Variants in SPTLC2 observed in about 807,000 individuals in gnomAD.
The protein encoded by SPTLC2 is serine palmitoyltransferase 2.
SPTLC2 carries 21 observed loss-of-function variants against 62.0 expected under a neutral mutation model. The ratio of observed to expected loss-of-function variants is 0.34; its 90% CI spans 0.24 to 0.49. The LOEUF (loss-of-function observed/expected upper bound fraction) is 0.49. Ranked by LOEUF, SPTLC2 falls within the 20% of genes least tolerant of loss-of-function variation. SPTLC2 has a pLI of 0.99. For synonymous variants in SPTLC2, 261 were observed against 261.8 expected, an observed-to-expected ratio of 1.00 and a Z score of 0.03; for missense variants, 511 against 713.0, an observed-to-expected ratio of 0.72 and a Z score of 3.23.
At chr14:77,535,118 G>T (rs1024282319) in intron 9 of SPTLC2, among the ~76,000 whole-genome samples, 2 of 152,044 alleles carry the variant, frequency 1.3e-5, no homozygotes, top group Non-Finnish European at 2.9e-5. Flanking sequence ...GTAGAGACAG[G>T]GTTTCTCCAT....
chr14:77,593,356 T>C (rs546307966), intron 2 of SPTLC2, among the ~76,000 whole-genome samples: 1 of 152,336 alleles, frequency 6.6e-6, no homozygotes, highest in Admixed American at 6.5e-5. Context: ...TTGTGTCAGC[T>C]GGTCTCAAAC....
chr14:77,588,996 C>CAAAAAAAAAAAAAAAAAAAAAAAAAAAAA (rs60536883), intron 2 of SPTLC2, among the ~76,000 whole-genome samples: 1 of 74,628 alleles, frequency 1.3e-5, no homozygotes, highest in Non-Finnish European at 2.4e-5. Flanking sequence ...GACCTTGTCT[C>CAAAAAAAAAAAAAAAAAAAAAAAAAAAAA]AAAAAAAAAA....
chr14:77,560,922 T>C (rs981678512), intron 6 of SPTLC2, among the ~76,000 whole-genome samples: 5 of 151,422 alleles, frequency 3.3e-5, no homozygotes, highest in Admixed American at 2.0e-4. Context: ...TCAGGTACTA[T>C]GCTGATTACC....
chr14:77,604,359 T>C (rs2079893635), intron 1 of SPTLC2, among the ~76,000 whole-genome samples: 1 of 152,196 alleles, frequency 6.6e-6, no homozygotes, highest in African/African-American at 2.4e-5. Flanking sequence ...TTGTTCAATT[T>C]CATCCCCCAT....
chr14:77,593,457 T>C (rs2079829680), intron 2 of SPTLC2, among the ~76,000 whole-genome samples: 1 of 152,198 alleles, frequency 6.6e-6, no homozygotes, highest in Non-Finnish European at 1.5e-5. Flanking sequence ...GTTTCTGAAC[T>C]ACTAGCTTCA....
At position 77,587,852 on chromosome 14, in the gene SPTLC2, CATAAT is replaced by C. The variant is rs576433078; in HGVS notation, c.328-8748_328-8744del. On this transcript the variant is annotated intron_variant, in intron 2 of 11. Transcript: ENST00000216484. ...AGATTTCAAGACATTTCATTATAAA[CATAAT>C]ATTGCATATCAAAGACAAGATAGTA... Among the ~76,000 whole-genome samples, 11 of 151,000 alleles carry C rather than the reference CATAAT, an allele frequency of 7.3e-5. No individual in the cohort carries two copies. The South Asian group carries it at 2.3e-3, about 32-fold the overall frequency.
chr14:77,542,400 T>C (rs2140009924), intron 9 of SPTLC2, among the ~76,000 whole-genome samples: 1 of 152,174 alleles, frequency 6.6e-6, no homozygotes, highest in Admixed American at 6.5e-5. Context: ...AAAAGGAAAA[T>C]AAATGGACCT....
intron 2 of SPTLC2, among the ~76,000 whole-genome samples, chr14:77,583,240 A>T (rs974355046): frequency 6.8e-6 from 1 of 146,594 alleles, no homozygotes; most frequent in Non-Finnish European, 1.5e-5. Flanking sequence ...TAAATAAATA[A>T]AAATAATAAT....
chr14:77,526,779 C>T (rs1285892241), intron 9 of SPTLC2, among the ~76,000 whole-genome samples: 1 of 150,080 alleles, frequency 6.7e-6, no homozygotes, highest in East Asian at 2.0e-4. Context: ...GCTGTAACAG[C>T]ATCATTAGAT....
At position 77,578,944 on chromosome 14, in the gene SPTLC2, C is replaced by A; in HGVS notation, c.482+11G>T. On this transcript the variant is annotated intron_variant, in intron 3 of 11. Transcript: ENST00000216484. ...TAATTGTTGTCAAATAATTTCCCAA[C>A]CAAGACTCACTTGAAGGACCAGTTA... The A allele has an allele frequency of 6.2e-7, 1 of 1,613,932 alleles. No individual in the cohort carries two copies. Among genetic ancestry groups the A allele is most frequent in the Non-Finnish European group, 8.5e-7 (1 of 1,179,936 alleles).
chr14:77,573,148 C>T (rs1488525493), intron 4 of SPTLC2, among the ~76,000 whole-genome samples: 1 of 151,788 alleles, frequency 6.6e-6, no homozygotes, highest in African/African-American at 2.4e-5. Flanking sequence ...ATGGAGGTAG[C>T]GAGTAAAACA....
chr14:77,553,537 C>T (rs28608714), intron 8 of SPTLC2, among the ~76,000 whole-genome samples: 25,515 of 151,760 alleles, frequency 0.17, 2,419 homozygotes, highest in African/African-American at 0.26. Context: ...CGAGACCATC[C>T]TGGCCAACAC....
In SPTLC2 at chr14:77,509,212, G is replaced by A. The variant is rs1295243828; in HGVS notation, c.*3072C>T. 1 of 152,038 alleles carries A rather than the reference G, an allele frequency of 6.6e-6. No homozygotes were observed. Among genetic ancestry groups the A allele is most frequent in the Non-Finnish European group, 1.5e-5 (1 of 68,008 alleles). 9.4% of individuals were successfully genotyped at this position (152,038 alleles called of 1,614,324 possible). ...ACTTTGGGGGTTATGGAGACTAGAAGCTTTTTTTAAAGGTAAGGATTTCTT... is the reference window on the plus strand; with the variant it reads ...ACTTTGGGGGTTATGGAGACTAGAAACTTTTTTTAAAGGTAAGGATTTCTT... On this transcript the variant is annotated 3_prime_UTR_variant, in exon 12 of 12. Transcript: ENST00000216484.
chr14:77,559,316 G>A lies in SPTLC2; in HGVS notation c.851-2170C>T, dbSNP rs141559021. ...CCAGCCTGGGTGACAGAGCAAGACT[G>A]TTTCAAAAAAAAGAAATACCTATAG... On this transcript the variant is annotated intron_variant, in intron 6 of 11. Transcript: ENST00000216484. 4.7e-3 allele frequency among the ~76,000 whole-genome samples: 707 copies of A among 151,644 alleles called. 6 individuals carry two copies. The highest frequency in any genetic ancestry group is 0.016 in the African/African-American group (671 of 41,374).
intron 1 of SPTLC2, among the ~76,000 whole-genome samples, chr14:77,613,749 T>C (rs2079950115): frequency 6.6e-6 from 1 of 152,180 alleles, no homozygotes; most frequent in African/African-American, 2.4e-5. Flanking sequence ...GACACACAGC[T>C]GTATGCGTAT....
intron 9 of SPTLC2, among the ~76,000 whole-genome samples, chr14:77,523,830 A>G (rs952547507): frequency 2.0e-5 from 3 of 152,224 alleles, no homozygotes; most frequent in Non-Finnish European, 4.4e-5. Flanking sequence ...ACTGATTCCA[A>G]GAACAAAGTC....
At chr14:77,608,497 T>C (rs2079916917) in intron 1 of SPTLC2, among the ~76,000 whole-genome samples, 1 of 152,214 alleles carries the variant, frequency 6.6e-6, no homozygotes, top group Admixed American at 6.5e-5. Context: ...AAATAAAACA[T>C]TAAAGTTATT....
chr14:77,539,469 TTTATC>T (rs1373593817), intron 9 of SPTLC2, among the ~76,000 whole-genome samples: 2 of 147,942 alleles, frequency 1.4e-5, no homozygotes, highest in African/African-American at 4.9e-5. Flanking sequence ...AAATGAAAAT[TTTATC>T]TTAAGAGGCT....
At chr14:77,591,811 C>T (rs1302459370) in intron 2 of SPTLC2, among the ~76,000 whole-genome samples, 1 of 152,038 alleles carries the variant, frequency 6.6e-6, no homozygotes, top group African/African-American at 2.4e-5. Flanking sequence ...GCAACCTCCA[C>T]CTCTCTGGTT....
Sources: gnomAD v4.1 joint callset for allele counts (sites outside exome capture counted in the v4.1 genomes callset) on GRCh38, gnomAD v4.1.1 for gene constraint, MANE v1.5 for transcripts, NCBI Gene and HGNC (gene_info 2026-07-23, HGNC 2026-07-21) for gene names.